PCDHGA4: variants seen among roughly 807,000 people sequenced by gnomAD.
PCDHGA4 encodes protocadherin gamma subfamily A, 4.
Under a neutral mutation model 54.6 loss-of-function variants are expected in PCDHGA4, and 38 were observed. The observed-to-expected ratio is 0.70, with a 90% CI of 0.54 to 0.91. The LOEUF is 0.91. Ranked by LOEUF, PCDHGA4 falls within the 40% of genes least tolerant of loss-of-function variation. PCDHGA4 has a pLI of 0.00. For missense variants in PCDHGA4, 1,298 were observed against 1,220.9 expected, an observed-to-expected ratio of 1.06 and a Z score of -0.94; for synonymous variants, 511 against 512.9, an observed-to-expected ratio of 1.00 and a Z score of 0.05.
At chr5:141,371,218 C>T (rs1454546023) in intron 1 of PCDHGA4, 1 of 1,613,992 alleles carries the variant, frequency 6.2e-7, no homozygotes, top group South Asian at 1.1e-5. Context: ...GGCATCAATG[C>T]CGAAATCATC....
intron 1 of PCDHGA4, chr5:141,433,069 C>T (rs561950316): frequency 2.5e-6 from 4 of 1,614,080 alleles, no homozygotes; most frequent in African/African-American, 1.3e-5. Context: ...ACCTGATCTT[C>T]CCCCAGCCCA....
chr5:141,489,084 C>G lies in PCDHGA4; in HGVS notation c.2515-5723C>G. ...CTCCCCCCTGCCCACCCCCGCCACT[C>G]GGTGACTAAGAACTGCTGCAAGCAG... On this transcript the variant is annotated intron_variant, in intron 1 of 3. Transcript: ENST00000571252. This position sits in a 1 kb window ranked among gnomAD's most constrained non-coding sequence, Gnocchi z 4.5. 6.1e-6 allele frequency: 2 copies of G among 329,126 alleles called. No homozygotes were observed. The highest frequency in any genetic ancestry group is 2.5e-5 in the African/African-American group (1 of 40,384). 20.4% of individuals were successfully genotyped at this position (329,126 alleles called of 1,614,324 possible). A position where few individuals can be genotyped will look rare whatever the true frequency, so the allele number is the denominator to read the frequency against.
At chr5:141,366,182 G>T (rs1449596963) in intron 1 of PCDHGA4, 4 of 1,613,888 alleles carry the variant, frequency 2.5e-6, no homozygotes, top group African/African-American at 1.3e-5. Flanking sequence ...AGGACTCTTT[G>T]CGGTTGGGCT....
chr5:141,414,351 G>C (rs771256149), intron 1 of PCDHGA4: 2 of 1,613,676 alleles, frequency 1.2e-6, no homozygotes, highest in Non-Finnish European at 1.7e-6. Context: ...CCATTTTGGC[G>C]TATCTACCAT....
At chr5:141,360,269 C>T (rs889254322) in intron 1 of PCDHGA4, 2 of 1,613,932 alleles carry the variant, frequency 1.2e-6, no homozygotes, top group East Asian at 2.2e-5. Context: ...GCCAAAAACT[C>T]GGTCGTAGGA....
intron 1 of PCDHGA4, chr5:141,371,710 CTCT>C: frequency 6.2e-7 from 1 of 1,614,076 alleles, no homozygotes; most frequent in Non-Finnish European, 8.5e-7. Flanking sequence ...AAGACCATCA[CTCT>C]GCACATCCTT....
chr5:141,511,041 C>T lies in PCDHGA4; in HGVS notation c.2757C>T (p.Pro919=), dbSNP rs1421629777. 1.5e-5 allele frequency: 24 copies of T among 1,614,076 alleles called. No individual in the cohort carries two copies. The highest frequency in any genetic ancestry group is 5.5e-5 in the South Asian group (5 of 91,092). Residue 919 remains proline, a synonymous_variant, in exon 4 of 4, where the codon CCC becomes CCT. Transcript: ENST00000571252. The part of the protein sequence containing the change: ...YGPQFTLQHV[P]DYRQNVYIPG... ...CCCAGTTCACCCTGCAGCACGTGCCCGACTACCGCCAGAATGTCTACATCC... is the reference window on the plus strand; with the variant it reads ...CCCAGTTCACCCTGCAGCACGTGCCTGACTACCGCCAGAATGTCTACATCC...
At chr5:141,360,664 T>C (rs1192992193) in intron 1 of PCDHGA4, 1 of 1,613,936 alleles carries the variant, frequency 6.2e-7, no homozygotes. Flanking sequence ...TGACAACGAG[T>C]ACTTTGATCT....
chr5:141,373,998 T>C lies in PCDHGA4; in HGVS notation c.2514+16377T>C, dbSNP rs934719638. On this transcript the variant is annotated intron_variant, in intron 1 of 3. Transcript: ENST00000571252. ...TCCGGTCTCTGCTTGTTGAAGGACC[T>C]TCACCGCTATTTCTGAGAAGAGCAA... The C allele has an allele frequency of 2.4e-5, 31 of 1,299,320 alleles. No homozygotes were observed. The African/African-American group carries it at 4.6e-4, about 19-fold the overall frequency. The allele number at this position is 1,299,320 out of a possible 1,614,324, so 80.5% of individuals were successfully genotyped here. A position where few individuals can be genotyped will look rare whatever the true frequency, so the allele number is the denominator to read the frequency against.
intron 1 of PCDHGA4, among the ~76,000 whole-genome samples, chr5:141,492,438 G>C (rs2099740636): frequency 6.6e-6 from 1 of 152,236 alleles, no homozygotes; most frequent in Non-Finnish European, 1.5e-5. Flanking sequence ...AGGAGTACTC[G>C]TAGCTGATTG....
chr5:141,484,867 G>C lies in PCDHGA4; in HGVS notation c.2515-9940G>C, dbSNP rs573580017. The C allele has an allele frequency of 1.8e-5, 5 of 282,560 alleles. No homozygotes were observed. The Admixed American group carries it at 1.9e-4, about 11-fold the overall frequency. The allele number at this position is 282,560 out of a possible 1,614,324, so 17.5% of individuals were successfully genotyped here. A position where few individuals can be genotyped will look rare whatever the true frequency, so the allele number is the denominator to read the frequency against. ...TGGGTTTTTTGGGGGGTGGGGGAGC[G>C]TGGAGGATAGGGTGGGCTTTTTCCC... On this transcript the variant is annotated intron_variant, in intron 1 of 3. Coordinates refer to ENST00000571252, the MANE Select transcript of PCDHGA4 (RefSeq NM_018917.4).
chr5:141,503,440 C>A (rs1185892958), intron 2 of PCDHGA4, among the ~76,000 whole-genome samples: 2 of 151,694 alleles, frequency 1.3e-5, no homozygotes, highest in African/African-American at 4.8e-5. Context: ...ACTAAAAATA[C>A]AAAAATTCGC....
At chr5:141,403,116 A>G (rs1313523426) in intron 1 of PCDHGA4, 6 of 1,614,042 alleles carry the variant, frequency 3.7e-6, no homozygotes, top group Non-Finnish European at 5.1e-6. Flanking sequence ...CTGGCTCTGG[A>G]GCCCCGGGAG....
intron 1 of PCDHGA4, chr5:141,410,497 T>TG (rs1192894414): frequency 6.2e-7 from 1 of 1,613,998 alleles, no homozygotes; most frequent in South Asian, 1.1e-5. Flanking sequence ...AAGAGTTTAA[T>TG]TTCCTAAAAT....
chr5:141,356,642 G>A lies in PCDHGA4; in HGVS notation c.1535G>A (p.Ser512Asn). 6.2e-7 allele frequency: 1 copy of A among 1,614,132 alleles called. No individual in the cohort carries two copies. The highest frequency in any genetic ancestry group is 8.5e-7 in the Non-Finnish European group (1 of 1,179,992). ...TCTATGACTGCTCAAGACCCTGACA[G>A]TGGTGACAATGCCCGAATCACTTAC... ...ILSMTAQDPD[S>N]GDNARITYSL... Residue 512 changes from serine (S) to asparagine (N), a missense_variant, in exon 1 of 4, where the codon AGT becomes AAT. Ser to Asn is a conservative substitution (Grantham distance 46). Transcript: ENST00000571252.
rs377387694 is a variant in PCDHGA4, at chr5:141,366,375, T to A, written c.2514+8754T>A. 19 of 1,614,096 alleles carry A rather than the reference T, an allele frequency of 1.2e-5. No homozygotes were observed. The highest frequency in any genetic ancestry group is 1.6e-5 in the Non-Finnish European group (19 of 1,180,036). On this transcript the variant is annotated intron_variant, in intron 1 of 3. Coordinates refer to ENST00000571252, the MANE Select transcript of PCDHGA4 (RefSeq NM_018917.4). Reference sequence around the variant, plus strand: ...GACCTAGGCAGTATCAAGACCCCCATTGACCCTGAGGATCTGGACCTCACA... The same window carrying A: ...GACCTAGGCAGTATCAAGACCCCCAATGACCCTGAGGATCTGGACCTCACA...
At chr5:141,414,633 A>C (rs1368963927) in intron 1 of PCDHGA4, 1 of 1,613,988 alleles carries the variant, frequency 6.2e-7, no homozygotes, top group South Asian at 1.1e-5. Context: ...CGGACAGCAA[A>C]GAGAATGCCC....
At chr5:141,448,069 T>G (rs1184496754) in intron 1 of PCDHGA4, among the ~76,000 whole-genome samples, 1 of 151,202 alleles carries the variant, frequency 6.6e-6, no homozygotes, top group African/African-American at 2.4e-5. Context: ...CTGGGCAACA[T>G]GAACGAAATG....
chr5:141,369,714 T>G (rs565396016), intron 1 of PCDHGA4, among the ~76,000 whole-genome samples: 2 of 152,150 alleles, frequency 1.3e-5, no homozygotes, highest in Non-Finnish European at 2.9e-5. Flanking sequence ...CATTATAACT[T>G]TTAGAAGTTA....
Sources: gnomAD v4.1 joint callset for allele counts (sites outside exome capture counted in the v4.1 genomes callset) on GRCh38, gnomAD v4.1.1 for gene constraint, Gnocchi (gnomAD v3.1) non-coding constraint, MANE v1.5 for transcripts, NCBI Gene and HGNC (gene_info 2026-07-23, HGNC 2026-07-21) for gene names.